IDO2: variants seen among roughly 807,000 people sequenced by gnomAD.
IDO2 encodes indoleamine 2,3-dioxygenase-like 1 protein.
Under a neutral mutation model 45.1 loss-of-function variants are expected in IDO2, and 46 were observed. The ratio of observed to expected loss-of-function variants is 1.02; its 90% CI spans 0.80 to 1.30. The LOEUF is 1.30. Among genes scored for constraint, IDO2 ranks in the 50% most tolerant of loss-of-function variants. The probability of loss-of-function intolerance (pLI) is 0.00; values close to 1 mark genes in which losing one functional copy is unlikely to be tolerated. For missense variants in IDO2, 544 were observed against 491.8 expected (o/e 1.11, Z -1.00); for synonymous variants, 218 against 184.9 (o/e 1.18, Z -1.45).
chr8:40,002,343 T>C (rs961498741), intron 8 of IDO2, among the ~76,000 whole-genome samples: 1 of 152,152 alleles, frequency 6.6e-6, no homozygotes, highest in Non-Finnish European at 1.5e-5. Flanking sequence ...CCTGCAACGA[T>C]ATCATCTGCC....
chr8:40,002,629 T>C (rs1802156271), intron 8 of IDO2, among the ~76,000 whole-genome samples: 2 of 151,954 alleles, frequency 1.3e-5, no homozygotes, highest in South Asian at 4.2e-4. Flanking sequence ...CTACTAAAAA[T>C]ACAAAAATTA....
chr8:39,985,731 T>C, intron 6 of IDO2: 1 of 480,360 alleles, frequency 2.1e-6, no homozygotes, highest in Non-Finnish European at 3.7e-6. Flanking sequence ...AGATAAGGGA[T>C]TTTTTTTTAC....
At chr8:40,009,267 G>A (rs996681630) in intron 9 of IDO2, among the ~76,000 whole-genome samples, 6 of 152,090 alleles carry the variant, frequency 3.9e-5, no homozygotes, top group African/African-American at 1.4e-4. Context: ...TGCCCACCTT[G>A]GTCCCCCAAA....
intron 5 of IDO2, chr8:39,985,138 C>A: frequency 3.2e-6 from 1 of 316,184 alleles, no homozygotes; most frequent in Non-Finnish European, 6.0e-6. Flanking sequence ...ACCACGTTGG[C>A]CAGTCTGGTA....
chr8:39,996,957 T>C (rs1008541961), intron 8 of IDO2, among the ~76,000 whole-genome samples: 1 of 152,228 alleles, frequency 6.6e-6, no homozygotes, highest in Non-Finnish European at 1.5e-5. Flanking sequence ...CCAAGTTTAA[T>C]AGGGCAGACA....
chr8:39,977,189 T>C (rs550484668), intron 3 of IDO2, among the ~76,000 whole-genome samples: 1 of 152,254 alleles, frequency 6.6e-6, no homozygotes, highest in South Asian at 2.1e-4. Context: ...TGGGGAAAGA[T>C]GGGCAAATAA....
intron 1 of IDO2, among the ~76,000 whole-genome samples, chr8:39,944,515 A>G (rs1237013245): frequency 6.6e-6 from 1 of 152,148 alleles, no homozygotes; most frequent in Non-Finnish European, 1.5e-5. Flanking sequence ...CCCTTCCTCA[A>G]GGACTTAGCT....
At chr8:39,945,490 C>T (rs1013569167) in intron 1 of IDO2, among the ~76,000 whole-genome samples, 11 of 152,176 alleles carry the variant, frequency 7.2e-5, no homozygotes, top group Non-Finnish European at 1.5e-4. Flanking sequence ...TTTGGTGAAC[C>T]TGGCTGGTTG....
chr8:39,961,408 C>T (rs1428397046), intron 2 of IDO2, among the ~76,000 whole-genome samples: 1 of 144,644 alleles, frequency 6.9e-6, no homozygotes, highest in South Asian at 2.2e-4. Flanking sequence ...CTGCAACTTT[C>T]GCCTCCCAGG....
intron 3 of IDO2, among the ~76,000 whole-genome samples, chr8:39,975,303 A>C (rs1808243572): frequency 6.6e-6 from 1 of 151,840 alleles, no homozygotes; most frequent in African/African-American, 2.4e-5. Flanking sequence ...GACATACTTG[A>C]TATCCTTAAA....
intron 9 of IDO2, among the ~76,000 whole-genome samples, chr8:40,011,284 G>T (rs763223037): frequency 6.6e-6 from 1 of 152,148 alleles, no homozygotes; most frequent in Non-Finnish European, 1.5e-5. Flanking sequence ...AGCAGTCCAC[G>T]GACTGACCCT....
chr8:40,012,541 C>T (rs140802280), intron 9 of IDO2, among the ~76,000 whole-genome samples: 3 of 152,320 alleles, frequency 2.0e-5, no homozygotes, highest in Admixed American at 2.0e-4. Context: ...GCTTTATAAA[C>T]TATACAGCAT....
chr8:39,995,926 G>T (rs1802037811), intron 8 of IDO2, among the ~76,000 whole-genome samples: 1 of 152,254 alleles, frequency 6.6e-6, no homozygotes, highest in Middle Eastern at 3.4e-3. Flanking sequence ...CCGTGGTCTA[G>T]CGGTAGCGTC....
At chr8:39,954,648 T>C (rs1807862354) in intron 2 of IDO2, among the ~76,000 whole-genome samples, 1 of 130,600 alleles carries the variant, frequency 7.7e-6, no homozygotes, top group South Asian at 2.8e-4. Context: ...TGTCTCTCTC[T>C]CTTTTTTTTT....
At chr8:39,948,428 A>T (rs1185253574) in intron 1 of IDO2, among the ~76,000 whole-genome samples, 1 of 152,218 alleles carries the variant, frequency 6.6e-6, no homozygotes, top group Non-Finnish European at 1.5e-5. Context: ...ACTTCCAAGT[A>T]CATGAGCTAA....
chr8:39,951,089 G>C (rs1050558537), intron 2 of IDO2, among the ~76,000 whole-genome samples: 3 of 141,194 alleles, frequency 2.1e-5, no homozygotes, highest in African/African-American at 7.7e-5. Flanking sequence ...AAGCAGCAGA[G>C]TTTTTATCTT....
chr8:39,994,652 CTCGGT>C (rs1178201667), intron 8 of IDO2, among the ~76,000 whole-genome samples: 1 of 148,938 alleles, frequency 6.7e-6, no homozygotes, highest in Non-Finnish European at 1.5e-5. Context: ...GAGTAAATGT[CTCGGT>C]TCAGCCTGAA....
At chr8:39,984,505 C>T (rs1563434947) in intron 5 of IDO2, among the ~76,000 whole-genome samples, 1 of 152,124 alleles carries the variant, frequency 6.6e-6, no homozygotes, top group Non-Finnish European at 1.5e-5. Flanking sequence ...AAAACAATAA[C>T]AAAAAAGCTA....
At chr8:39,960,074 C>A (rs1263851481) in intron 2 of IDO2, among the ~76,000 whole-genome samples, 1 of 152,182 alleles carries the variant, frequency 6.6e-6, no homozygotes. Context: ...CTCAGATCCT[C>A]AGGGACTGAA....
Sources: gnomAD v4.1 joint callset for allele counts (sites outside exome capture counted in the v4.1 genomes callset) on GRCh38, gnomAD v4.1.1 for gene constraint, MANE v1.5 for transcripts, NCBI Gene and HGNC (gene_info 2026-07-23, HGNC 2026-07-21) for gene names.